Variants in FNDC3B observed in about 807,000 individuals in gnomAD.
The protein encoded by FNDC3B is fibronectin type III domain-containing protein 3B.
A neutral mutation model predicts 151.5 loss-of-function variants in FNDC3B; 12 were observed. That is an observed-to-expected ratio of 0.08 (90% CI 0.05 to 0.13). The LOEUF (loss-of-function observed/expected upper bound fraction) is 0.13, where lower values mean the gene tolerates loss of function less well. FNDC3B is among the 10% of genes least tolerant of loss of function. FNDC3B has a pLI of 1.00. For synonymous variants in FNDC3B, 528 were observed against 549.0 expected, an observed-to-expected ratio of 0.96 and a Z score of 0.54; for missense variants, 1,214 against 1,505.3, an observed-to-expected ratio of 0.81 and a Z score of 3.20.
At chr3:172,366,705 G>A (rs767843685) in intron 23 of FNDC3B, among the ~76,000 whole-genome samples, 5 of 151,956 alleles carry the variant, frequency 3.3e-5, no homozygotes, top group Non-Finnish European at 7.4e-5. Flanking sequence ...AGGTATAGAG[G>A]GAAAATTGAA....
intron 2 of FNDC3B, among the ~76,000 whole-genome samples, chr3:172,117,773 A>G (rs537572171): frequency 6.6e-6 from 1 of 152,242 alleles, no homozygotes; most frequent in Non-Finnish European, 1.5e-5. Context: ...CATATGGAGG[A>G]CATCGAGTAA....
chr3:172,240,546 C>G (rs1727443132), intron 4 of FNDC3B, among the ~76,000 whole-genome samples: 2 of 152,158 alleles, frequency 1.3e-5, no homozygotes, highest in Admixed American at 1.3e-4. Context: ...CTATTTACTT[C>G]TCAATATACA....
intron 1 of FNDC3B, among the ~76,000 whole-genome samples, chr3:172,055,497 C>T (rs1279268407): frequency 6.6e-6 from 1 of 152,042 alleles, no homozygotes; most frequent in Non-Finnish European, 1.5e-5. Context: ...TTGCAGTTCT[C>T]TTAAATTAGT....
rs374196667 is a variant in FNDC3B at position 172,344,273 on chromosome 3, A to G, written c.2250+15A>G. The stretch of plus-strand genomic sequence containing the variant: ...ATGATGGAGGGGTGAGTATAAGCCC[A>G]TACACCATAACCAGAATCAGAATGC... On this transcript the variant is annotated intron_variant, in intron 19 of 25. Coordinates refer to ENST00000415807, the MANE Select transcript of FNDC3B (RefSeq NM_022763.4). The G allele has an allele frequency of 1.9e-6, 3 of 1,597,686 alleles. No individual in the cohort carries two copies. Among genetic ancestry groups the G allele is most frequent in the East Asian group, 2.3e-5 (1 of 44,174 alleles).
At chr3:172,145,637 T>C (rs1048660447) in intron 3 of FNDC3B, among the ~76,000 whole-genome samples, 3 of 152,198 alleles carry the variant, frequency 2.0e-5, no homozygotes, top group Non-Finnish European at 4.4e-5. Context: ...AGATTTATAA[T>C]GGTTTAAGAT....
chr3:172,231,502 T>A lies in FNDC3B; in HGVS notation c.264+4555T>A, dbSNP rs150392801. Among the ~76,000 whole-genome samples the A allele has an allele frequency of 1.2e-3, 182 of 152,278 alleles. 1 individual carries two copies. The highest frequency in any genetic ancestry group is 4.3e-3 in the African/African-American group (180 of 41,558). On this transcript the variant is annotated intron_variant, in intron 4 of 25. Transcript: ENST00000415807. The stretch of plus-strand genomic sequence containing the variant: ...AGGGGAAGACAGTGACACGTCCCAG[T>A]TATGAATTGGGAAACAATGGGGCAG...
intron 2 of FNDC3B, among the ~76,000 whole-genome samples, chr3:172,132,450 G>C (rs1947513): frequency 6.6e-6 from 1 of 152,160 alleles, no homozygotes; most frequent in Non-Finnish European, 1.5e-5. Flanking sequence ...CTGTCACCTA[G>C]GCTGGAGTGC....
rs771246687 is a variant in FNDC3B at position 172,329,064 on chromosome 3, A to G, written c.1367A>G (p.Asp456Gly). 3 of 1,613,330 alleles carry G rather than the reference A, an allele frequency of 1.9e-6. No individual in the cohort carries two copies. In the South Asian group the frequency reaches 3.3e-5, roughly 18 times the overall value. The change falls in exon 12 of 26, where the codon GAC (aspartate) becomes GGC (glycine). Residue 456 changes from aspartate (D) to glycine (G), a missense_variant. Asp to Gly is a moderately conservative substitution (Grantham distance 94). Coordinates refer to ENST00000415807, the MANE Select transcript of FNDC3B (RefSeq NM_022763.4). The part of the protein sequence containing the change: ...GYTFRLAARN[D>G]IGTSGYSQEV... Reference sequence around the variant, plus strand: ...ACATTCAGGCTGGCCGCTCGAAACGACATTGGTACCAGGTATGACGTTTCC... The same window carrying G: ...ACATTCAGGCTGGCCGCTCGAAACGGCATTGGTACCAGGTATGACGTTTCC...
In FNDC3B at chr3:172,400,299, T is replaced by G. The variant is rs1736508961; in HGVS notation, c.*2824T>G. On this transcript the variant is annotated 3_prime_UTR_variant, in exon 26 of 26. Transcript: ENST00000415807. ...GAAAAAGAAAACTTTTTAAAGAGAT[T>G]TTTTGCATATTCTCTGCCTTGTTCT... The G allele has an allele frequency of 6.5e-6, 1 of 152,734 alleles. No individual in the cohort carries two copies. The highest frequency in any genetic ancestry group is 2.4e-5 in the African/African-American group (1 of 41,564). The allele number at this position is 152,734 out of a possible 1,614,324, so 9.5% of individuals were successfully genotyped here.
At chr3:172,233,578 T>G (rs1726991278) in intron 4 of FNDC3B, among the ~76,000 whole-genome samples, 1 of 152,210 alleles carries the variant, frequency 6.6e-6, no homozygotes, top group Non-Finnish European at 1.5e-5. Flanking sequence ...TGTGCAATAC[T>G]TTCCCCCCAT....
intron 2 of FNDC3B, among the ~76,000 whole-genome samples, chr3:172,125,249 A>G (rs1339424065): frequency 1.3e-5 from 2 of 152,248 alleles, no homozygotes; most frequent in Non-Finnish European, 2.9e-5. Flanking sequence ...AGGACTAAGC[A>G]GCAGTGGTAG....
At chr3:172,119,024 G>A (rs1208871256) in intron 2 of FNDC3B, among the ~76,000 whole-genome samples, 1 of 151,888 alleles carries the variant, frequency 6.6e-6, no homozygotes, top group Non-Finnish European at 1.5e-5. Flanking sequence ...AAAAAAATTA[G>A]CCAGGCGTGG....
intron 1 of FNDC3B, among the ~76,000 whole-genome samples, chr3:172,057,994 ATCTC>A (rs1176853180): frequency 6.6e-6 from 1 of 151,978 alleles, no homozygotes; most frequent in Non-Finnish European, 1.5e-5. Flanking sequence ...GAAATTCTGA[ATCTC>A]TATTATTGAG....
chr3:172,171,245 G>T (rs775394705), intron 3 of FNDC3B, among the ~76,000 whole-genome samples: 1 of 152,214 alleles, frequency 6.6e-6, no homozygotes, highest in Non-Finnish European at 1.5e-5. Context: ...CTTGGAAAGT[G>T]CTGATGGAGA....
At chr3:172,320,876 AAGTT>A (rs1419983858) in intron 11 of FNDC3B, among the ~76,000 whole-genome samples, 4 of 152,244 alleles carry the variant, frequency 2.6e-5, no homozygotes, top group African/African-American at 9.6e-5. Context: ...TGAGGATACT[AAGTT>A]AGTAAAGAAG....
intron 6 of FNDC3B, among the ~76,000 whole-genome samples, chr3:172,257,261 T>G (rs1728400347): frequency 6.6e-6 from 1 of 152,222 alleles, no homozygotes; most frequent in Non-Finnish European, 1.5e-5. Context: ...TTGACATTGT[T>G]GACTTTCACT....
At chr3:172,241,711 A>G (rs4132125) in intron 4 of FNDC3B, among the ~76,000 whole-genome samples, 4 of 152,164 alleles carry the variant, frequency 2.6e-5, no homozygotes, top group Admixed American at 1.3e-4. Flanking sequence ...CACAACATGT[A>G]GAAATGCAAG....
At chr3:172,234,443 C>T (rs760434226) in intron 4 of FNDC3B, among the ~76,000 whole-genome samples, 7 of 152,090 alleles carry the variant, frequency 4.6e-5, no homozygotes, top group Non-Finnish European at 7.4e-5. Flanking sequence ...TGGAGGGAAG[C>T]GGAGAGAGGA....
chr3:172,177,744 T>C (rs1723682075), intron 3 of FNDC3B, among the ~76,000 whole-genome samples: 1 of 151,170 alleles, frequency 6.6e-6, no homozygotes, highest in African/African-American at 2.4e-5. Context: ...CGTGCAGGTT[T>C]ATTACATAGG....
Sources: allele counts gnomAD v4.1 joint callset (sites outside exome capture counted in the v4.1 genomes callset), GRCh38; gene constraint gnomAD v4.1.1; transcripts MANE v1.5; gene names NCBI Gene and HGNC (gene_info 2026-07-23, HGNC 2026-07-21).